ORC5: variants seen among roughly 807,000 people sequenced by gnomAD.
ORC5 encodes the protein protein phosphatase 1, regulatory subunit 117.
Under a neutral mutation model 58.8 loss-of-function variants are expected in ORC5, and 39 were observed. The observed-to-expected ratio is 0.66, with a 90% confidence interval of 0.51 to 0.87. The LOEUF (loss-of-function observed/expected upper bound fraction) is 0.87, where lower values mean the gene tolerates loss of function less well. Ranked by LOEUF, ORC5 falls within the 40% of genes least tolerant of loss-of-function variation. ORC5 has a pLI of 0.00. For missense variants in ORC5, 493 were observed against 506.3 expected, an observed-to-expected ratio of 0.97 and a Z score of 0.25; for synonymous variants, 218 against 177.6, an observed-to-expected ratio of 1.23 and a Z score of -1.81.
chr7:104,153,893 G>A (rs1189955188), intron 12 of ORC5, among the ~76,000 whole-genome samples: 1 of 152,006 alleles, frequency 6.6e-6, no homozygotes, highest in Admixed American at 6.6e-5. Flanking sequence ...AGTGTTATCT[G>A]ACTAGCGTTT....
At chr7:104,181,579 A>G in intron 8 of ORC5, among the ~76,000 whole-genome samples, 1 of 151,962 alleles carries the variant, frequency 6.6e-6, no homozygotes, top group Non-Finnish European at 1.5e-5. Flanking sequence ...AGGTCAGGAG[A>G]TCAAGACCAT....
chr7:104,161,126 T>G lies in ORC5; in HGVS notation c.1095A>C (p.Ile365=), dbSNP rs1217448148. The stretch of plus-strand genomic sequence containing the variant: ...CTCTGCTGTCCACGATACTATATAA[T>G]ATTGCTAATAATCTGTCTAGTGGAA... The part of the protein sequence containing the change: ...KPFPLDRLLA[I]LYSIVDSRVA... Residue 365 remains isoleucine, a synonymous_variant, in exon 12 of 14, where the codon ATA becomes ATC. Coordinates refer to ENST00000297431, the MANE Select transcript of ORC5 (RefSeq NM_002553.4). The G allele has an allele frequency of 6.2e-7, 1 of 1,611,246 alleles. No individual in the cohort carries two copies. The highest frequency in any genetic ancestry group is 1.3e-5 in the African/African-American group (1 of 74,840).
intron 12 of ORC5, among the ~76,000 whole-genome samples, chr7:104,139,302 A>C (rs1798636764): frequency 6.6e-6 from 1 of 152,112 alleles, no homozygotes; most frequent in South Asian, 2.1e-4. Context: ...ACATTATCTC[A>C]TGTTATTCCT....
chr7:104,201,069 C>G, intron 2 of ORC5, 111 bp from the exon 3 acceptor site: 1 of 797,948 alleles, frequency 1.3e-6, no homozygotes, highest in East Asian at 2.7e-5. Flanking sequence ...CCACCAAACC[C>G]ACCCCATGCC....
At chr7:104,178,907 C>G (rs1396468108) in intron 8 of ORC5, among the ~76,000 whole-genome samples, 1 of 150,092 alleles carries the variant, frequency 6.7e-6, no homozygotes. Flanking sequence ...AGAATTCTTA[C>G]AAAGCCAAAA....
intron 9 of ORC5, among the ~76,000 whole-genome samples, chr7:104,167,235 A>G (rs1040302952): frequency 6.6e-6 from 1 of 152,164 alleles, no homozygotes; most frequent in African/African-American, 2.4e-5. Flanking sequence ...GTATTCCCAC[A>G]TAACGTGATG....
intron 12 of ORC5, among the ~76,000 whole-genome samples, chr7:104,151,743 A>G (rs1393869236): frequency 6.6e-6 from 1 of 152,218 alleles, no homozygotes; most frequent in Non-Finnish European, 1.5e-5. Flanking sequence ...AATAAGAACT[A>G]GAAATATGTA....
intron 8 of ORC5, 53 bp from the exon 9 acceptor site, chr7:104,168,578 G>T: frequency 8.3e-7 from 1 of 1,207,796 alleles, no homozygotes; most frequent in South Asian, 1.6e-5. Context: ...AAATCAATAT[G>T]GTGTACTTAA....
intron 12 of ORC5, among the ~76,000 whole-genome samples, chr7:104,154,589 T>C (rs1019216055): frequency 6.6e-6 from 1 of 151,996 alleles, no homozygotes; most frequent in African/African-American, 2.4e-5. Flanking sequence ...TCTTCATTTC[T>C]GTATTCTCTT....
chr7:104,187,739 G>T (rs1032494047), intron 6 of ORC5: 5 of 961,634 alleles, frequency 5.2e-6, no homozygotes, highest in African/African-American at 1.8e-5. Context: ...AAATTAAAAA[G>T]AACCATCTAT....
At chr7:104,183,022 C>A (rs772942980) in intron 8 of ORC5, among the ~76,000 whole-genome samples, 11 of 152,148 alleles carry the variant, frequency 7.2e-5, no homozygotes, top group Non-Finnish European at 1.3e-4. Context: ...GTAATCCCAG[C>A]TACTCGAGGG....
intron 1 of ORC5, 73 bp from the exon 2 acceptor site, chr7:104,204,307 A>G (rs1202007355): frequency 1.1e-6 from 1 of 876,234 alleles, no homozygotes; most frequent in East Asian, 2.5e-5. Context: ...CTTGTGAGAA[A>G]GTTGTACGTG....
chr7:104,173,052 C>A (rs1259261091), intron 8 of ORC5, among the ~76,000 whole-genome samples: 2 of 149,050 alleles, frequency 1.3e-5, no homozygotes, highest in Non-Finnish European at 1.5e-5. Context: ...AAACCCCCAA[C>A]AAGTAGAGCC....
rs1401345498 is a variant in ORC5, at chr7:104,174,441, ATC to A, written c.825-5918_825-5917del. Among the ~76,000 whole-genome samples the A allele has an allele frequency of 2.6e-5, 4 of 152,178 alleles. No homozygotes were observed. In the East Asian group the frequency reaches 7.7e-4, roughly 29 times the overall value. ...CAAATTCTAAAGGCATGCCAAAACAATCTACCTTTGGGGATTCCAGCCAGCTA... is the reference window on the plus strand; with the variant it reads ...CAAATTCTAAAGGCATGCCAAAACAATACCTTTGGGGATTCCAGCCAGCTA... On this transcript the variant is annotated intron_variant, in intron 8 of 13. Coordinates refer to ENST00000297431, the MANE Select transcript of ORC5 (RefSeq NM_002553.4).
chr7:104,186,036 C>T (rs1237830799), intron 6 of ORC5, among the ~76,000 whole-genome samples: 2 of 151,990 alleles, frequency 1.3e-5, no homozygotes, highest in African/African-American at 2.4e-5. Context: ...AGAAATTATT[C>T]GCTTTAGCCA....
At chr7:104,167,196 C>T (rs11973246) in intron 9 of ORC5, among the ~76,000 whole-genome samples, 2 of 152,132 alleles carry the variant, frequency 1.3e-5, no homozygotes, top group Non-Finnish European at 2.9e-5. Flanking sequence ...AATAGAGAAA[C>T]TTATTTCTAC....
rs551247367 is a variant in ORC5, at chr7:104,129,920, A to G, written c.1263-3027T>C. On this transcript the variant is annotated intron_variant, in intron 13 of 13. Coordinates refer to ENST00000297431, the MANE Select transcript of ORC5 (RefSeq NM_002553.4). This position sits in a 1 kb window ranked among gnomAD's most constrained non-coding sequence, Gnocchi z 4.9. ...TAGAATACGTTAATACAACTTAATT[A>G]TATGGCATATATTTAAGGATTTAAT... is the stretch of plus-strand genomic sequence containing the variant. Among the ~76,000 whole-genome samples, 1 of 152,212 alleles carries G rather than the reference A, an allele frequency of 6.6e-6. No individual in the cohort carries two copies. Among genetic ancestry groups the G allele is most frequent in the South Asian group, 2.1e-4 (1 of 4,828 alleles).
At chr7:104,169,445 G>C (rs1799170216) in intron 8 of ORC5, among the ~76,000 whole-genome samples, 1 of 152,062 alleles carries the variant, frequency 6.6e-6, no homozygotes, top group Non-Finnish European at 1.5e-5. Context: ...ACACACTATA[G>C]TATAATGAGT....
At chr7:104,194,099 C>CTT (rs34994380) in intron 5 of ORC5, among the ~76,000 whole-genome samples, 48,433 of 132,654 alleles carry the variant, frequency 0.37, 10,173 homozygotes, top group Non-Finnish European at 0.49. Context: ...GGTACAGAGC[C>CTT]TTTTTTTTTT....
Sources: gnomAD v4.1 joint callset for allele counts (sites outside exome capture counted in the v4.1 genomes callset) on GRCh38, gnomAD v4.1.1 for gene constraint, Gnocchi (gnomAD v3.1) non-coding constraint, MANE v1.5 for transcripts, NCBI Gene and HGNC (gene_info 2026-07-23, HGNC 2026-07-21) for gene names.